The following LARGE1 variants were observed in gnomAD, a reference collection of about 807,000 sequenced individuals.
The protein encoded by LARGE1 is LARGE xylosyl- and glucuronyltransferase 1.
LARGE1 carries 43 observed loss-of-function variants against 87.6 expected under a neutral mutation model. That is an observed-to-expected ratio of 0.49 (90% confidence interval 0.38 to 0.63). LARGE1 has a LOEUF of 0.63. Among genes scored for constraint, LARGE1 ranks in the 30% least tolerant of loss-of-function variants. LARGE1 has a pLI of 0.00. For missense variants in LARGE1, 802 were observed against 1,000.2 expected, an observed-to-expected ratio of 0.80 and a Z score of 2.67; for synonymous variants, 434 against 394.6, an observed-to-expected ratio of 1.10 and a Z score of -1.18.
At chr22:33,137,153 C>T in the LARGE1 span, 1 of 152,230 alleles carries the variant, frequency 6.6e-6, no homozygotes. Flanking sequence ...AAAGGTCAGC[C>T]TTTACTGTGA....
At chr22:33,113,808 T>G in the LARGE1 span, among the ~76,000 whole-genome samples, 1 of 152,132 alleles carries the variant, frequency 6.6e-6, no homozygotes, top group Non-Finnish European at 1.5e-5. Context: ...ACTTACTAAC[T>G]TTATGTCTTT....
At chr22:33,522,552 G>C (rs1427876523) in intron 6 of LARGE1, among the ~76,000 whole-genome samples, 1 of 152,074 alleles carries the variant, frequency 6.6e-6, no homozygotes, top group African/African-American at 2.4e-5. Context: ...TACAAAAAAG[G>C]CCAGGTGCGG....
chr22:33,730,818 A>G (rs2083440576), intron 2 of LARGE1, among the ~76,000 whole-genome samples: 1 of 151,296 alleles, frequency 6.6e-6, no homozygotes, highest in Non-Finnish European at 1.5e-5. Context: ...TCAGCCTCCC[A>G]AGTAGCTGGG....
chr22:33,724,228 G>A (rs1225399931), intron 2 of LARGE1: 1 of 152,494 alleles, frequency 6.6e-6, no homozygotes, highest in African/African-American at 2.4e-5. Context: ...CAGAGTGGAA[G>A]ACAACCACAG....
chr22:33,278,342 G>A (rs1045377567), intron 13 of LARGE1, among the ~76,000 whole-genome samples: 1 of 152,166 alleles, frequency 6.6e-6, no homozygotes, highest in Non-Finnish European at 1.5e-5. Context: ...TTTCAGCCCA[G>A]TGAGATCCCA....
At chr22:33,104,809 T>G in the LARGE1 span, among the ~76,000 whole-genome samples, 6 of 152,350 alleles carry the variant, frequency 3.9e-5, no homozygotes, top group East Asian at 9.6e-4. Context: ...TTCCCTACAG[T>G]TCCCAGTCTC....
chr22:33,343,836 C>T (rs375972962), intron 9 of LARGE1, among the ~76,000 whole-genome samples: 103 of 152,170 alleles, frequency 6.8e-4, no homozygotes, highest in Middle Eastern at 3.4e-3. Context: ...TCTAGAGGGA[C>T]GGAACTAATA....
chr22:33,518,994 T>A (rs1226204029), intron 6 of LARGE1, among the ~76,000 whole-genome samples: 1 of 151,982 alleles, frequency 6.6e-6, no homozygotes, highest in East Asian at 1.9e-4. Context: ...AGTCAGCTAG[T>A]TGGAACTTAC....
chr22:33,156,147 G>A, the LARGE1 span, among the ~76,000 whole-genome samples: 1 of 152,226 alleles, frequency 6.6e-6, no homozygotes, highest in Admixed American at 6.5e-5. Context: ...CAGTGTGGAA[G>A]GGACATGAGG....
intron 12 of LARGE1, among the ~76,000 whole-genome samples, chr22:33,295,171 G>C (rs761877041): frequency 1.5e-4 from 23 of 152,136 alleles, no homozygotes; most frequent in Non-Finnish European, 3.1e-4. Context: ...TCAGCCAGTG[G>C]GGGTTAAAGA....
intron 4 of LARGE1, among the ~76,000 whole-genome samples, chr22:33,615,402 A>C (rs1430631369): frequency 2.6e-5 from 4 of 152,216 alleles, no homozygotes; most frequent in Non-Finnish European, 5.9e-5. Flanking sequence ...GCAGGAGCAA[A>C]TCTTTTAACA....
intron 2 of LARGE1, among the ~76,000 whole-genome samples, chr22:33,666,236 A>C (rs1351547206): frequency 6.6e-6 from 1 of 152,192 alleles, no homozygotes; most frequent in East Asian, 1.9e-4. Flanking sequence ...AGTCTGCTGA[A>C]CTCTACCAAG....
In LARGE1 at chr22:33,283,281, G is replaced by A. The variant is rs769940706; in HGVS notation, c.1798C>T (p.Leu600=). The change falls in exon 13 of 15, where the codon CTG becomes TTG. Residue 600 remains leucine, a synonymous_variant. Coordinates refer to ENST00000397394, the MANE Select transcript of LARGE1 (RefSeq NM_133642.5). ...KAMIVPAFET[L]RYRLSFPKSK... is the part of the protein sequence containing the mutation. ...TTGGGGAAGGACAGCCGGTAGCGCAGTGTCTCGAACGCGGGGACAATCATT... is the reference window on the plus strand; with the variant it reads ...TTGGGGAAGGACAGCCGGTAGCGCAATGTCTCGAACGCGGGGACAATCATT... 6.2e-7 allele frequency: 1 copy of A among 1,614,222 alleles called. No individual in the cohort carries two copies. Among genetic ancestry groups the A allele is most frequent in the Non-Finnish European group, 8.5e-7 (1 of 1,180,034 alleles).
chr22:33,537,381 T>A (rs1165476793), intron 6 of LARGE1, among the ~76,000 whole-genome samples: 1 of 152,146 alleles, frequency 6.6e-6, no homozygotes, highest in Non-Finnish European at 1.5e-5. Context: ...TCCAAGTACA[T>A]CACTCCAATC....
At chr22:33,597,049 C>T (rs1033846065) in intron 5 of LARGE1, among the ~76,000 whole-genome samples, 1 of 152,138 alleles carries the variant, frequency 6.6e-6, no homozygotes, top group Non-Finnish European at 1.5e-5. Flanking sequence ...TCTATGTCTT[C>T]TCTCTTTCTT....
chr22:33,893,420 T>C (rs2065054519), intron 1 of LARGE1, among the ~76,000 whole-genome samples: 1 of 152,188 alleles, frequency 6.6e-6, no homozygotes, highest in Non-Finnish European at 1.5e-5. Context: ...CAAATATTTA[T>C]TGAGAGTTCT....
intron 5 of LARGE1, among the ~76,000 whole-genome samples, chr22:33,584,262 T>C (rs2078603588): frequency 6.6e-6 from 1 of 152,184 alleles, no homozygotes; most frequent in Non-Finnish European, 1.5e-5. Flanking sequence ...CAAGATAAAA[T>C]GCTCTTACGC....
the LARGE1 span, among the ~76,000 whole-genome samples, chr22:33,068,975 G>T: frequency 6.6e-6 from 1 of 152,158 alleles, no homozygotes; most frequent in Non-Finnish European, 1.5e-5. Flanking sequence ...TCTCATTTTT[G>T]TGTCTTAAGT....
rs146386348 is a variant in LARGE1 at position 33,605,415 on chromosome 22, A to C, written c.492-857T>G. Among the ~76,000 whole-genome samples, 582 of 152,310 alleles carry C rather than the reference A, an allele frequency of 3.8e-3. 6 individuals carry two copies. Among genetic ancestry groups the C allele is most frequent in the African/African-American group, 0.013 (543 of 41,568 alleles). ...CGGAGTTAAATGGAAACAGGTTCCA[A>C]ACCCAGGTCTGAAATGTATGAGTGG... On this transcript the variant is annotated intron_variant, in intron 4 of 14. Transcript: ENST00000397394.
Sources: allele counts gnomAD v4.1 joint callset (sites outside exome capture counted in the v4.1 genomes callset), GRCh38; gene constraint gnomAD v4.1.1; transcripts MANE v1.5; gene names NCBI Gene and HGNC (gene_info 2026-07-23, HGNC 2026-07-21).